HUWE1: variants seen among roughly 807,000 people sequenced by gnomAD.
HUWE1 encodes HECT, UBA and WWE domain containing E3 ubiquitin protein ligase 1, also known as E3 ubiquitin-protein ligase HUWE1.
Under a neutral mutation model 299.4 loss-of-function variants are expected in HUWE1, and 18 were observed. That is an observed-to-expected ratio of 0.06 (90% CI 0.04 to 0.09). The LOEUF is 0.09. Ranked by LOEUF, HUWE1 falls within the 10% of genes least tolerant of loss-of-function variation. The pLI is 1.00. For synonymous variants in HUWE1, 1,317 were observed against 1,286.1 expected (o/e 1.02, Z -0.51); for missense variants, 1,832 against 3,462.3 (o/e 0.53, Z 11.82).
intron 39 of HUWE1, 52 bp from the exon 40 acceptor site, chrX:53,585,240 A>G (rs781791421): frequency 6.1e-5 from 69 of 1,130,446 alleles, no homozygotes; most frequent in Non-Finnish European, 7.5e-5. Context: ...GTTGATTAGA[A>G]GAAATAGTAA....
At chrX:53,537,736 G>C (rs370395083) in intron 77 of HUWE1, 40 bp from the exon 78 acceptor site, 70 of 1,178,712 alleles carry the variant, frequency 5.9e-5, no homozygotes, top group Non-Finnish European at 7.6e-5. Context: ...GATTAAGGGT[G>C]GCAGAACAAA....
chrX:53,547,002 T>C (rs1351683819), intron 68 of HUWE1, among the ~76,000 whole-genome samples, 177 bp from the exon 69 acceptor site: 2 of 112,182 alleles, frequency 1.8e-5, no homozygotes, highest in African/African-American at 6.5e-5. Context: ...AGGCTTTTTA[T>C]TTTTTATTAC....
rs1435092122 is a variant in HUWE1, at chrX:53,645,734, AAAATATATATATATAT to A, written c.352-287_352-272del. 4.9e-4 allele frequency among the ~76,000 whole-genome samples: 9 copies of A among 18,190 alleles called. 1 individual carries two copies. The highest frequency in any genetic ancestry group is 9.8e-3 in the South Asian group (2 of 204). The allele number at this position is 18,190 out of a possible 115,157, so 15.8% of individuals were successfully genotyped here. ...TCTCAAAAAAAGAAAAAAAAAAAAA[AAAATATATATATATAT>A]ATATATATATATATATATATATATA... On this transcript the variant is annotated intron_variant, in intron 6 of 83. Transcript: ENST00000262854.
intron 3 of HUWE1, among the ~76,000 whole-genome samples, chrX:53,672,445 G>A (rs1781260610): frequency 9.1e-6 from 1 of 109,341 alleles, no homozygotes; most frequent in African/African-American, 3.3e-5. Flanking sequence ...TTTTAGTAGA[G>A]GCAGGGTTTC....
intron 3 of HUWE1, among the ~76,000 whole-genome samples, chrX:53,676,663 G>A (rs1215565822): frequency 1.8e-5 from 2 of 111,625 alleles, no homozygotes; most frequent in Non-Finnish European, 3.8e-5. Context: ...GACTACTAGA[G>A]AGCATGTCAG....
chrX:53,640,226 G>A (rs1336916333), intron 7 of HUWE1, among the ~76,000 whole-genome samples: 1 of 111,636 alleles, frequency 9.0e-6, no homozygotes, highest in African/African-American at 3.3e-5. Context: ...CGGGTGTGGT[G>A]GTGCATGCCT....
At chrX:53,645,185 A>C in intron 7 of HUWE1, 126 bp downstream of exon 7, 3 of 650,770 alleles carry the variant, frequency 4.6e-6, no homozygotes, top group Non-Finnish European at 7.4e-6. Context: ...CAATAGTTCT[A>C]ACTCAATTAG....
At chrX:53,602,752 C>G in intron 27 of HUWE1, 94 bp from the exon 28 acceptor site, 1 of 494,636 alleles carries the variant, frequency 2.0e-6, no homozygotes, top group Non-Finnish European at 3.4e-6. Context: ...ATTTGCTTGG[C>G]TGACACTATC....
At chrX:53,634,349 G>A (rs373486455) in intron 7 of HUWE1, 51 bp from the exon 8 acceptor site, 24 of 903,839 alleles carry the variant, frequency 2.7e-5, no homozygotes, top group East Asian at 6.2e-5. Context: ...GTGACTTTGC[G>A]CCACTGCACT....
chrX:53,665,169 C>A (rs1364404201), intron 3 of HUWE1, among the ~76,000 whole-genome samples: 2 of 111,392 alleles, frequency 1.8e-5, no homozygotes, highest in East Asian at 5.6e-4. Flanking sequence ...CCTACAGACA[C>A]CAGTCTCCCT....
At chrX:53,654,792 G>A (rs1293571286) in intron 3 of HUWE1, among the ~76,000 whole-genome samples, 2 of 112,261 alleles carry the variant, frequency 1.8e-5, no homozygotes, top group African/African-American at 6.5e-5. Flanking sequence ...ACAGCTTAGA[G>A]GTGCTAGGCA....
intron 67 of HUWE1, among the ~76,000 whole-genome samples, chrX:53,548,502 T>C (rs1439895811): frequency 3.5e-5 from 4 of 112,885 alleles, no homozygotes; most frequent in African/African-American, 1.3e-4. Flanking sequence ...TGAGCTTTAG[T>C]CTCGCACTTA....
chrX:53,542,566 A>T, intron 73 of HUWE1, 27 bp from the exon 74 acceptor site: 1 of 991,672 alleles, frequency 1.0e-6, no homozygotes, highest in Non-Finnish European at 1.4e-6. Context: ...CAAAAATCAC[A>T]TAAGGGTGCA....
chrX:53,644,182 TG>T (rs2067811819), intron 7 of HUWE1, among the ~76,000 whole-genome samples: 1 of 112,596 alleles, frequency 8.9e-6, no homozygotes, highest in Non-Finnish European at 1.9e-5. Flanking sequence ...GGTTAGCATC[TG>T]TACTACAAAT....
chrX:53,611,767 A>ATCT (rs1557002459), intron 23 of HUWE1, among the ~76,000 whole-genome samples: 1 of 109,567 alleles, frequency 9.1e-6, no homozygotes, highest in African/African-American at 3.3e-5. Flanking sequence ...CTAAGGACCG[A>ATCT]GAACTGCTTG....
At chrX:53,668,763 TAC>T (rs1211429383) in intron 3 of HUWE1, among the ~76,000 whole-genome samples, 1 of 112,202 alleles carries the variant, frequency 8.9e-6, no homozygotes, top group Non-Finnish European at 1.9e-5. Flanking sequence ...AAGACAGAAA[TAC>T]AGATATATAA....
intron 83 of HUWE1, 177 bp downstream of exon 83, chrX:53,533,830 C>T (rs1465948828): frequency 6.0e-6 from 3 of 500,943 alleles, no homozygotes; most frequent in Admixed American, 2.8e-5. Flanking sequence ...CCAGCCCCCA[C>T]TGTGTCTAGC....
intron 78 of HUWE1, 33 bp downstream of exon 78, chrX:53,537,523 C>T: frequency 8.3e-7 from 1 of 1,205,961 alleles, no homozygotes; most frequent in Non-Finnish European, 1.1e-6. Context: ...CCACCTCCCA[C>T]CCGCCATCTT....
intron 67 of HUWE1, 28 bp downstream of exon 67, chrX:53,548,931 C>A: frequency 2.0e-5 from 23 of 1,157,913 alleles, no homozygotes; most frequent in Non-Finnish European, 2.6e-5. Flanking sequence ...CTTCTTCCAT[C>A]CCCAGGAGTT....
Sources: gnomAD v4.1 joint callset for allele counts (sites outside exome capture counted in the v4.1 genomes callset) on GRCh38, gnomAD v4.1.1 for gene constraint, MANE v1.5 for transcripts, NCBI Gene and HGNC (gene_info 2026-07-23, HGNC 2026-07-21) for gene names.